MTA3: variants seen among roughly 807,000 people sequenced by gnomAD.
MTA3 encodes the protein metastasis-associated protein MTA3.
In MTA3, 34 loss-of-function variants were observed where a neutral mutation model predicts 83.5. The ratio of observed to expected loss-of-function variants is 0.41; its 90% CI spans 0.31 to 0.54. The LOEUF (loss-of-function observed/expected upper bound fraction) is 0.54. Ranked by LOEUF, MTA3 falls within the 20% of genes least tolerant of loss-of-function variation. The pLI, the probability that MTA3 is intolerant of heterozygous loss-of-function variation, is 0.33. For synonymous variants in MTA3, 303 were observed against 252.7 expected, an observed-to-expected ratio of 1.20 and a Z score of -1.89; for missense variants, 761 against 726.4, an observed-to-expected ratio of 1.05 and a Z score of -0.55.
At chr2:42,537,077 T>G (rs191885539) in intron 2 of MTA3, among the ~76,000 whole-genome samples, 108 of 152,212 alleles carry the variant, frequency 7.1e-4, no homozygotes, top group Non-Finnish European at 1.2e-3. Flanking sequence ...ACCCTTAGTG[T>G]AAGCCCCAGG....
In MTA3 at chr2:42,505,770, AT is replaced by A. The variant is rs370638507; in HGVS notation, c.-141+10532del. On this transcript the variant is annotated intron_variant, in intron 2 of 17. Transcript: ENST00000405592. ...AAACGAGATGGGCCACAAATTGATA[AT>A]TTTTTTTTTTTTTTTGAGATGGAGT... Among the ~76,000 whole-genome samples the A allele has an allele frequency of 6.9e-3, 966 of 139,046 alleles. 6 individuals are homozygous for A. The highest frequency in any genetic ancestry group is 0.01 in the Non-Finnish European group (658 of 65,046). The allele number at this position is 139,046 out of a possible 152,430, so 91.2% of individuals were successfully genotyped here. A position where few individuals can be genotyped will look rare whatever the true frequency, so the allele number is the denominator to read the frequency against.
intron 2 of MTA3, among the ~76,000 whole-genome samples, chr2:42,515,002 A>G (rs1219930142): frequency 6.7e-6 from 1 of 149,740 alleles, no homozygotes; most frequent in Non-Finnish European, 1.5e-5. Flanking sequence ...AAACTTTTAT[A>G]TTTTTCTTTG....
intron 10 of MTA3, among the ~76,000 whole-genome samples, 168 bp downstream of exon 10, chr2:42,696,007 A>T (rs1693359528): frequency 6.6e-6 from 1 of 152,100 alleles, no homozygotes; most frequent in Non-Finnish European, 1.5e-5. Context: ...TAAGATTTTA[A>T]TCTTAATATT....
chr2:42,656,450 GCTGCTT>G, intron 7 of MTA3, 148 bp downstream of exon 7: 1 of 420,844 alleles, frequency 2.4e-6, no homozygotes. Context: ...AATACGTTAT[GCTGCTT>G]CCTAATTTTA....
intron 2 of MTA3, among the ~76,000 whole-genome samples, chr2:42,546,878 C>T (rs1418557298): frequency 2.0e-5 from 3 of 152,144 alleles, no homozygotes; most frequent in Non-Finnish European, 4.4e-5. Context: ...CAGGGTGGGA[C>T]ATGCAGGCAA....
chr2:42,626,977 G>T (rs1208749899), intron 4 of MTA3, among the ~76,000 whole-genome samples: 1 of 151,950 alleles, frequency 6.6e-6, no homozygotes, highest in Non-Finnish European at 1.5e-5. Flanking sequence ...CTGACCTCAG[G>T]TGATCTGCCT....
chr2:42,576,563 G>C (rs1679048733), intron 2 of MTA3, among the ~76,000 whole-genome samples: 1 of 152,046 alleles, frequency 6.6e-6, no homozygotes, highest in Non-Finnish European at 1.5e-5. Context: ...CTGGGGGTTT[G>C]AGACCAGCCT....
chr2:42,686,877 G>A (rs1249450732), intron 9 of MTA3, among the ~76,000 whole-genome samples: 2 of 151,534 alleles, frequency 1.3e-5, no homozygotes, highest in African/African-American at 4.9e-5. Flanking sequence ...CAAGCACTTA[G>A]GGAGGCTGAG....
At chr2:42,554,084 A>G (rs1340437939) in intron 2 of MTA3, among the ~76,000 whole-genome samples, 1 of 151,848 alleles carries the variant, frequency 6.6e-6, no homozygotes, top group South Asian at 2.1e-4. Context: ...AAATACAAAA[A>G]TTAGCCAGAT....
chr2:42,598,718 A>G (rs1682156951), intron 3 of MTA3, among the ~76,000 whole-genome samples: 1 of 152,320 alleles, frequency 6.6e-6, no homozygotes, highest in East Asian at 1.9e-4. Flanking sequence ...CATCTTTACA[A>G]GGGACTCATT....
intron 3 of MTA3, among the ~76,000 whole-genome samples, chr2:42,606,369 C>T (rs1683405531): frequency 6.7e-6 from 1 of 150,184 alleles, no homozygotes; most frequent in Admixed American, 6.6e-5. Flanking sequence ...CGGAGGGGCT[C>T]CTCACTTCTC....
intron 2 of MTA3, among the ~76,000 whole-genome samples, chr2:42,549,666 A>G (rs1284653868): frequency 7.7e-6 from 1 of 130,600 alleles, no homozygotes; most frequent in Non-Finnish European, 1.5e-5. Context: ...ATATACATAT[A>G]CATATATAAT....
In MTA3 at chr2:42,755,545, G is replaced by GTCA. The variant is rs1670181765; in HGVS notation, c.*2149_*2151dup. The GTCA allele has an allele frequency of 1.0e-6, 1 of 985,196 alleles. No individual in the cohort carries two copies. The highest frequency in any genetic ancestry group is 6.1e-5 in the Admixed American group (1 of 16,274). The allele number at this position is 985,196 out of a possible 1,614,324, so 61.0% of individuals were successfully genotyped here. ...GTAAAGCTCGTGGTTCTGTAGTCCA[G>GTCA]TCATCCTAGGAGGGTGATGTTGACT... On this transcript the variant is annotated 3_prime_UTR_variant, in exon 17 of 17. Coordinates refer to ENST00000405094, the MANE Select transcript of MTA3 (RefSeq NM_001330442.2).
intron 3 of MTA3, among the ~76,000 whole-genome samples, chr2:42,584,787 A>G (rs188460344): frequency 6.6e-6 from 1 of 152,040 alleles, no homozygotes; most frequent in South Asian, 2.1e-4. Flanking sequence ...GGATTGCTTG[A>G]GCCCAGGAGA....
intron 16 of MTA3, among the ~76,000 whole-genome samples, chr2:42,726,753 C>T (rs1466782397): frequency 6.6e-6 from 1 of 152,124 alleles, no homozygotes; most frequent in Non-Finnish European, 1.5e-5. Flanking sequence ...CTTTCCTGGC[C>T]CTGATGAAGG....
At chr2:42,629,741 G>T (rs1686489289) in intron 4 of MTA3, among the ~76,000 whole-genome samples, 1 of 152,050 alleles carries the variant, frequency 6.6e-6, no homozygotes, top group African/African-American at 2.4e-5. Flanking sequence ...TCCTCTGTGG[G>T]GGCCTTTAAA....
chr2:42,575,715 A>C (rs1573023628), intron 2 of MTA3, among the ~76,000 whole-genome samples: 1 of 152,252 alleles, frequency 6.6e-6, no homozygotes, highest in East Asian at 1.9e-4. Context: ...AGCCTCACAG[A>C]ACCTTACACC....
chr2:42,581,243 A>T (rs1428721670), intron 3 of MTA3, among the ~76,000 whole-genome samples: 1 of 152,078 alleles, frequency 6.6e-6, no homozygotes, highest in Non-Finnish European at 1.5e-5. Flanking sequence ...TGCTACTGAT[A>T]ATGAGAACAA....
chr2:42,612,863 A>T (rs1269306895), intron 4 of MTA3, among the ~76,000 whole-genome samples: 2 of 152,152 alleles, frequency 1.3e-5, no homozygotes, highest in African/African-American at 2.4e-5. Context: ...CTTGTCTCAA[A>T]AAATAAATAA....
Sources: gnomAD v4.1 joint callset for allele counts (sites outside exome capture counted in the v4.1 genomes callset) on GRCh38, gnomAD v4.1.1 for gene constraint, MANE v1.5 for transcripts, NCBI Gene and HGNC (gene_info 2026-07-23, HGNC 2026-07-21) for gene names.